Variants in RCBTB1 observed in about 807,000 individuals in gnomAD.
RCBTB1 encodes RCC1 and BTB domain-containing protein 1.
RCBTB1 carries 46 observed loss-of-function variants against 62.4 expected under a neutral mutation model. That is an observed-to-expected ratio of 0.74 (90% CI 0.58 to 0.94). RCBTB1 has a LOEUF of 0.94. RCBTB1 is among the 40% of genes least tolerant of loss of function. The pLI is 0.00. For missense variants in RCBTB1, 565 were observed against 654.9 expected (o/e 0.86, Z 1.50); for synonymous variants, 222 against 245.8 (o/e 0.90, Z 0.91).
chr13:49,557,641 T>C (rs1488654681), intron 5 of RCBTB1, among the ~76,000 whole-genome samples: 1 of 152,128 alleles, frequency 6.6e-6, no homozygotes, highest in Non-Finnish European at 1.5e-5. Context: ...AACTCTAGGT[T>C]GGGTGCGGTA....
rs148930556 is a variant in RCBTB1 at position 49,556,394 on chromosome 13, G to A, written c.445-721C>T. Among the ~76,000 whole-genome samples, 27 of 152,038 alleles carry A rather than the reference G, an allele frequency of 1.8e-4. No homozygotes were observed. In the East Asian group the frequency reaches 5.2e-3, roughly 29 times the overall value. The stretch of plus-strand genomic sequence containing the variant: ...TTTAGTAGAGATGGGGTTTCACCGT[G>A]TTAGCCAGGATGGTCTCGATCTCCT... On this transcript the variant is annotated intron_variant, in intron 5 of 12. Coordinates refer to ENST00000378302, the MANE Select transcript of RCBTB1 (RefSeq NM_018191.4).
chr13:49,570,879 GC>G (rs1160985776), intron 2 of RCBTB1, among the ~76,000 whole-genome samples: 1 of 152,124 alleles, frequency 6.6e-6, no homozygotes, highest in Non-Finnish European at 1.5e-5. Flanking sequence ...GTGAAATGAC[GC>G]CAAGGTCACA....
chr13:49,565,628 C>T lies in RCBTB1; in HGVS notation c.277+990G>A, dbSNP rs1408073534. 1.0e-4 allele frequency among the ~76,000 whole-genome samples: 14 copies of T among 139,800 alleles called. 1 individual carries two copies. In the East Asian group the frequency reaches 1.5e-3, roughly 15 times the overall value. The allele number at this position is 139,800 out of a possible 152,430, so 91.7% of individuals were successfully genotyped here. A position where few individuals can be genotyped will look rare whatever the true frequency, so the allele number is the denominator to read the frequency against. On this transcript the variant is annotated intron_variant, in intron 4 of 12. Coordinates refer to ENST00000378302, the MANE Select transcript of RCBTB1 (RefSeq NM_018191.4). ...TGTGAGGAGCGCCTCTGCCCAGCCC[C>T]GACCCCGTCTGGGAGGTGAGGAGCG...
At chr13:49,534,341 A>G in intron 12 of RCBTB1, 79 bp from the exon 13 acceptor site, 1 of 1,424,730 alleles carries the variant, frequency 7.0e-7, no homozygotes, top group Non-Finnish European at 9.5e-7. Context: ...TGAGCCCTTT[A>G]CCCCAAATCT....
In RCBTB1 at chr13:49,567,248, G is replaced by A; in HGVS notation, c.32C>T (p.Thr11Ile). The A allele has an allele frequency of 6.2e-7, 1 of 1,614,048 alleles. No individual in the cohort carries two copies. Among genetic ancestry groups the A allele is most frequent in the Non-Finnish European group, 8.5e-7 (1 of 1,180,004 alleles). The change falls in exon 3 of 13, where the codon ACT (threonine) becomes ATT (isoleucine). Residue 11 changes from threonine to isoleucine, a missense_variant. By Grantham distance (89) the Thr-to-Ile change is moderately conservative. Transcript: ENST00000378302. MVDVGKWPIF[T>I]LLSPQEIASI... is the part of the protein sequence containing the mutation. ...CGCGATCTCTTGAGGGGAGAGTAGA[G>A]TGAAGATGGGCCACTTTCCGACATC...
chr13:49,544,723 T>A lies in RCBTB1; in HGVS notation c.1172+14A>T. ...AGTCAAGTTATTGATGTCTCTGAGCTCATGCAAAAATACCTGATTTTCAAA... is the reference window on the plus strand; with the variant it reads ...AGTCAAGTTATTGATGTCTCTGAGCACATGCAAAAATACCTGATTTTCAAA... On this transcript the variant is annotated intron_variant, in intron 10 of 12. Coordinates refer to ENST00000378302, the MANE Select transcript of RCBTB1 (RefSeq NM_018191.4). The A allele has an allele frequency of 6.2e-7, 1 of 1,606,732 alleles. No individual in the cohort carries two copies. The highest frequency in any genetic ancestry group is 8.5e-7 in the Non-Finnish European group (1 of 1,176,692).
chr13:49,547,237 A>G, intron 9 of RCBTB1: 4 of 1,193,966 alleles, frequency 3.4e-6, no homozygotes, highest in Non-Finnish European at 4.4e-6. Flanking sequence ...GAAAGGGAGT[A>G]TTCAATTGGT....
intron 12 of RCBTB1, among the ~76,000 whole-genome samples, chr13:49,539,036 A>AT (rs1461897565): frequency 2.6e-5 from 4 of 151,756 alleles, no homozygotes; most frequent in African/African-American, 9.7e-5. Context: ...CACCCAGCTA[A>AT]TTTTTGTATT....
At chr13:49,557,040 C>G (rs771984712) in intron 5 of RCBTB1, among the ~76,000 whole-genome samples, 2 of 152,142 alleles carry the variant, frequency 1.3e-5, no homozygotes, top group Non-Finnish European at 2.9e-5. Flanking sequence ...GGGCATGAGG[C>G]CTGTGTGCTA....
chr13:49,565,547 C>G (rs1323180981), intron 4 of RCBTB1, among the ~76,000 whole-genome samples: 1 of 144,314 alleles, frequency 6.9e-6, no homozygotes, highest in East Asian at 2.0e-4. Context: ...TCTTCCCGGC[C>G]GCCACCCCAT....
At chr13:49,564,954 A>G (rs1461091979) in intron 4 of RCBTB1, among the ~76,000 whole-genome samples, 1 of 152,042 alleles carries the variant, frequency 6.6e-6, no homozygotes, top group East Asian at 1.9e-4. Flanking sequence ...TGCATTGCAG[A>G]ACAAAGACCA....
intron 3 of RCBTB1, 122 bp from the exon 4 acceptor site, chr13:49,566,890 A>AT: frequency 5.1e-6 from 5 of 980,620 alleles, no homozygotes; most frequent in Non-Finnish European, 7.4e-6. Context: ...AGAGACTGAT[A>AT]TGGTTGTTAA....
intron 10 of RCBTB1, among the ~76,000 whole-genome samples, chr13:49,544,146 G>C (rs967377321): frequency 6.6e-6 from 1 of 152,096 alleles, no homozygotes; most frequent in Non-Finnish European, 1.5e-5. Flanking sequence ...TTTTCTGATG[G>C]AAATGAGTAT....
At chr13:49,564,166 T>C (rs79035778) in intron 4 of RCBTB1, among the ~76,000 whole-genome samples, 1 of 152,278 alleles carries the variant, frequency 6.6e-6, no homozygotes, top group East Asian at 1.9e-4. Flanking sequence ...GACAAGAACC[T>C]ATCAACCTGC....
At chr13:49,570,130 A>G (rs939950473) in intron 2 of RCBTB1, among the ~76,000 whole-genome samples, 6 of 152,252 alleles carry the variant, frequency 3.9e-5, no homozygotes, top group Non-Finnish European at 8.8e-5. Flanking sequence ...ACACAGAATT[A>G]GCCAAAAATA....
chr13:49,565,042 C>G (rs1237812007), intron 4 of RCBTB1, among the ~76,000 whole-genome samples: 1 of 152,222 alleles, frequency 6.6e-6, no homozygotes, highest in Non-Finnish European at 1.5e-5. Flanking sequence ...CCCTCTCTTT[C>G]CACGGTCTCC....
In RCBTB1 at chr13:49,566,686, C is replaced by T. The variant is rs748168580; in HGVS notation, c.209G>A (p.Gly70Asp). Residue 70 changes from glycine to aspartate, a missense_variant, in exon 4 of 13, where the codon GGC becomes GAC. Physicochemically the swap from Gly to Asp is moderately conservative, Grantham distance 94. Transcript: ENST00000378302. ...QSTLVPKKLEGLCGKKIKSLS... is the reference protein window; with the variant it reads ...QSTLVPKKLEDLCGKKIKSLS... ...GCTTTTAATCTTCTTTCCACATAAG[C>T]CTTCTAGCTTTTTGGGTACAAGTGT... 6.2e-7 allele frequency: 1 copy of T among 1,614,028 alleles called. No individual in the cohort carries two copies. Among genetic ancestry groups the T allele is most frequent in the African/African-American group, 1.3e-5 (1 of 74,938 alleles).
chr13:49,551,143 GAAGGGGGA>G, intron 8 of RCBTB1, 175 bp downstream of exon 8: 1 of 552,604 alleles, frequency 1.8e-6, no homozygotes, highest in Non-Finnish European at 3.0e-6. Context: ...GGAGAAGGGG[GAAGGGGGA>G]AGCAGGGAGG....
Position 49,555,630 on chromosome 13 carries a change from C to A in RCBTB1, c.488G>T (p.Gly163Val). 1 of 1,612,178 alleles carries A rather than the reference C, an allele frequency of 6.2e-7. No homozygotes were observed. Among genetic ancestry groups the A allele is most frequent in the Non-Finnish European group, 8.5e-7 (1 of 1,179,034 alleles). The change falls in exon 6 of 13, where the codon GGT (glycine) becomes GTT (valine). Residue 163 changes from glycine to valine, a missense_variant. Gly to Val is a moderately radical substitution (Grantham distance 109, BLOSUM62 -3). Transcript: ENST00000378302. ...GYNNCGQVGS[G>V]STANQPTPRK... ...AGGAGTTGGTTGATTTGCTGTAGAA[C>A]CTGATCCCACTTGGCCACAGTTGTT... is the stretch of plus-strand genomic sequence containing the variant.
Sources: allele counts gnomAD v4.1 joint callset (sites outside exome capture counted in the v4.1 genomes callset), GRCh38; gene constraint gnomAD v4.1.1; transcripts MANE v1.5; gene names NCBI Gene and HGNC (gene_info 2026-07-23, HGNC 2026-07-21).